Variants in C6 observed in about 807,000 individuals in gnomAD.
C6 encodes complement C6.
In C6, 101 loss-of-function variants were observed where a neutral mutation model predicts 112.9. The observed-to-expected ratio is 0.89, with a 90% CI of 0.76 to 1.06. C6 has a LOEUF of 1.06. C6 is among the 50% of genes least tolerant of loss of function. The pLI is 0.00. For missense variants in C6, 1,202 were observed against 1,104.6 expected, an observed-to-expected ratio of 1.09 and a Z score of -1.25; for synonymous variants, 431 against 384.1, an observed-to-expected ratio of 1.12 and a Z score of -1.43.
rs1750872835 is a variant in C6 at position 41,199,811 on chromosome 5, T to G, written c.402A>C (p.Lys134Asn). The change falls in exon 4 of 18, where the codon AAA (lysine) becomes AAC (asparagine). Residue 134 changes from lysine (K) to asparagine (N), a missense_variant. Physicochemically the swap from Lys to Asn is moderately conservative, Grantham distance 94. Coordinates refer to ENST00000337836, the MANE Select transcript of C6 (RefSeq NM_000065.5). ...TATTCTTGCAGTCAGCCTCTTCAAT[T>G]TTGCAGAGCTTAGATGGAATGCATG... ...FQPCIPSKLC[K>N]IEEADCKNKF... 1.2e-6 allele frequency: 2 copies of G among 1,613,700 alleles called. No individual in the cohort carries two copies. Among genetic ancestry groups the G allele is most frequent in the South Asian group, 2.2e-5 (2 of 91,086 alleles).
chr5:41,167,814 G>A (rs1372145112), intron 9 of C6, among the ~76,000 whole-genome samples: 2 of 152,134 alleles, frequency 1.3e-5, no homozygotes, highest in African/African-American at 4.8e-5. Flanking sequence ...AGGAAGAATG[G>A]TGAAATCACT....
At chr5:41,159,444 T>G in intron 11 of C6, 191 bp from the exon 12 acceptor site, 1 of 985,166 alleles carries the variant, frequency 1.0e-6, no homozygotes, top group South Asian at 4.7e-5. Flanking sequence ...CCTTTTAGAC[T>G]TTGTTCCCAT....
chr5:41,225,319 G>GT (rs70988837), intron 1 of C6, among the ~76,000 whole-genome samples: 3 of 151,140 alleles, frequency 2.0e-5, no homozygotes, highest in Admixed American at 1.3e-4. Context: ...TGCAGTGTTT[G>GT]TTTTTTTTTG....
chr5:41,158,931 GTAGACCCAGTGGCTCA>G (rs1747197625), intron 12 of C6, 135 bp downstream of exon 12: 1 of 1,118,970 alleles, frequency 8.9e-7, no homozygotes, highest in African/African-American at 1.5e-5. Flanking sequence ...AGGCACGGCA[GTAGACCCAGTGGCTCA>G]TTAATATTCT....
chr5:41,218,568 T>C (rs1738963971), intron 1 of C6, among the ~76,000 whole-genome samples: 1 of 152,170 alleles, frequency 6.6e-6, no homozygotes, highest in South Asian at 2.1e-4. Flanking sequence ...CCTGGGTCTA[T>C]GCTTTCTTGA....
chr5:41,168,345 G>A (rs375247483), intron 9 of C6, among the ~76,000 whole-genome samples: 2 of 152,162 alleles, frequency 1.3e-5, no homozygotes, highest in African/African-American at 4.8e-5. Flanking sequence ...AAAGGTCTTG[G>A]AAATGGTTTT....
chr5:41,259,253 A>T (rs2150447376), intron 1 of C6, among the ~76,000 whole-genome samples: 1 of 150,720 alleles, frequency 6.6e-6, no homozygotes, highest in East Asian at 1.9e-4. Flanking sequence ...ATATAAATCT[A>T]ACCTTAGTTC....
chr5:41,238,180 TC>T (rs1267210281), intron 1 of C6, among the ~76,000 whole-genome samples: 2 of 112,284 alleles, frequency 1.8e-5, no homozygotes, highest in African/African-American at 6.8e-5. Flanking sequence ...TTCAATGCCA[TC>T]CCCATCAAGC....
intron 1 of C6, among the ~76,000 whole-genome samples, chr5:41,247,318 A>G (rs1345391219): frequency 6.6e-6 from 1 of 152,182 alleles, no homozygotes; most frequent in Non-Finnish European, 1.5e-5. Flanking sequence ...AGTCTCCTGG[A>G]ATGACGTCAG....
rs949631608 is a variant in C6, at chr5:41,158,696, G to A, written c.1946C>T (p.Pro649Leu). 1 of 1,608,288 alleles carries A rather than the reference G, an allele frequency of 6.2e-7. No individual in the cohort carries two copies. Among genetic ancestry groups the A allele is most frequent in the Non-Finnish European group, 8.5e-7 (1 of 1,174,828 alleles). Residue 649 changes from proline to leucine, a missense_variant, in exon 13 of 18, where the codon CCT becomes CTT. Pro to Leu is a moderately conservative substitution (Grantham distance 98, BLOSUM62 -3). Coordinates refer to ENST00000337836, the MANE Select transcript of C6 (RefSeq NM_000065.5). ...EADSGCPQPVPPENGFIRNEK... is the reference protein window; with the variant it reads ...EADSGCPQPVLPENGFIRNEK... The stretch of plus-strand genomic sequence containing the variant: ...GACCCGGATAAATCCATTTTCTGGA[G>A]GAACTGGCTGAGGACACCCGGAATC...
chr5:41,192,366 C>T (rs1007933133), intron 5 of C6, among the ~76,000 whole-genome samples: 13 of 152,046 alleles, frequency 8.6e-5, no homozygotes, highest in Admixed American at 5.2e-4. Context: ...GCATCTTTAT[C>T]TGGTTTTGGT....
chr5:41,166,843 T>C (rs1051884838), intron 9 of C6, among the ~76,000 whole-genome samples: 4 of 152,124 alleles, frequency 2.6e-5, no homozygotes, highest in South Asian at 4.1e-4. Flanking sequence ...AATTTCAAGA[T>C]TTTGTTACTT....
chr5:41,236,957 A>C (rs1162764645), intron 1 of C6, among the ~76,000 whole-genome samples: 1 of 151,782 alleles, frequency 6.6e-6, no homozygotes, highest in East Asian at 2.0e-4. Context: ...ACCTCTATGC[A>C]AATAAACTAG....
chr5:41,218,211 A>G (rs909042813), upstream of C6, among the ~76,000 whole-genome samples: 2 of 152,162 alleles, frequency 1.3e-5, no homozygotes, highest in Admixed American at 6.6e-5. Context: ...AAAAATTATA[A>G]GAAATCCGTC....
At chr5:41,149,553 A>T in intron 16 of C6, 71 bp from the exon 17 acceptor site, 1 of 1,594,384 alleles carries the variant, frequency 6.3e-7, no homozygotes, top group Non-Finnish European at 8.6e-7. Context: ...TAGCCAATGT[A>T]GTGTGTTCAC....
chr5:41,260,169 A>C (rs1457610971), intron 1 of C6, among the ~76,000 whole-genome samples: 1 of 152,056 alleles, frequency 6.6e-6, no homozygotes, highest in Non-Finnish European at 1.5e-5. Context: ...TTCGTCCACT[A>C]TAAGCTTATT....
chr5:41,248,454 T>C (rs1418101993), intron 1 of C6, among the ~76,000 whole-genome samples: 1 of 152,140 alleles, frequency 6.6e-6, no homozygotes, highest in Non-Finnish European at 1.5e-5. Context: ...CAGAATCCAT[T>C]AGGAACTTAA....
intron 8 of C6, among the ~76,000 whole-genome samples, chr5:41,175,430 A>G (rs1280276116): frequency 6.6e-6 from 1 of 152,214 alleles, no homozygotes; most frequent in African/African-American, 2.4e-5. Flanking sequence ...TTCCTATCAC[A>G]TCCCAAACTC....
Position 41,186,215 on chromosome 5 carries a change from AC to A in C6, c.588-8del, listed in dbSNP as rs754089721. 1.9e-6 allele frequency: 3 copies of A among 1,613,650 alleles called. No homozygotes were observed. The East Asian group carries it at 6.7e-5, about 36-fold the overall frequency. On this transcript the variant is annotated splice_polypyrimidine_tract_variant and splice_region_variant and intron_variant, in intron 5 of 17. Coordinates refer to ENST00000337836, the MANE Select transcript of C6 (RefSeq NM_000065.5). Reference sequence around the variant, plus strand: ...TCCTGCCAGAAAATGAAACCTAGAAACAAAGTAATTTTCAGGAATTCAACAG... The same window carrying A: ...TCCTGCCAGAAAATGAAACCTAGAAAAAAGTAATTTTCAGGAATTCAACAG...
Sources: allele counts gnomAD v4.1 joint callset (sites outside exome capture counted in the v4.1 genomes callset), GRCh38; gene constraint gnomAD v4.1.1; transcripts MANE v1.5; gene names NCBI Gene and HGNC (gene_info 2026-07-23, HGNC 2026-07-21).